Variants in SLIT1 observed in about 807,000 individuals in gnomAD.
SLIT1 encodes the protein slit guidance ligand 1, also known as slit homolog 1 protein.
SLIT1 carries 66 observed loss-of-function variants against 186.1 expected under a neutral mutation model. The observed-to-expected ratio is 0.35, with a 90% CI of 0.29 to 0.44. The LOEUF (loss-of-function observed/expected upper bound fraction) is 0.44. SLIT1 is among the 20% of genes least tolerant of loss of function. The probability of loss-of-function intolerance (pLI) is 1.00; values close to 1 mark genes in which losing one functional copy is unlikely to be tolerated. For missense variants in SLIT1, 1,638 were observed against 2,037.4 expected (o/e 0.80, Z 3.77); for synonymous variants, 761 against 833.8 (o/e 0.91, Z 1.50).
chr10:97,077,351 T>C (rs1223062462), intron 4 of SLIT1, among the ~76,000 whole-genome samples: 2 of 152,032 alleles, frequency 1.3e-5, no homozygotes, highest in African/African-American at 2.4e-5. Flanking sequence ...GTCCTTTGAG[T>C]GGCAAGTTCC....
At chr10:97,123,275 C>T (rs773363091) in intron 4 of SLIT1, among the ~76,000 whole-genome samples, 4 of 152,218 alleles carry the variant, frequency 2.6e-5, no homozygotes, top group Admixed American at 2.6e-4. Flanking sequence ...AAATCTGACA[C>T]CTTTTATCAG....
chr10:97,127,468 G>A (rs1010473391), intron 4 of SLIT1, among the ~76,000 whole-genome samples: 3 of 152,192 alleles, frequency 2.0e-5, no homozygotes, highest in African/African-American at 7.2e-5. Context: ...GGAAGACACA[G>A]CTCACTCCCT....
chr10:97,154,393 C>T (rs1422125390), intron 4 of SLIT1: 1 of 152,246 alleles, frequency 6.6e-6, no homozygotes, highest in Admixed American at 6.5e-5. Flanking sequence ...CTGCAGGAGT[C>T]CTCTCGGTTT....
intron 20 of SLIT1, among the ~76,000 whole-genome samples, chr10:97,040,829 G>A (rs1034192652): frequency 3.9e-5 from 6 of 152,196 alleles, no homozygotes; most frequent in African/African-American, 1.4e-4. Flanking sequence ...GGGTGTCAGA[G>A]AGATGATAAT....
chr10:97,165,913 A>G (rs1042816389), intron 1 of SLIT1, among the ~76,000 whole-genome samples: 4 of 152,016 alleles, frequency 2.6e-5, no homozygotes, highest in African/African-American at 4.8e-5. Flanking sequence ...AGCCTCACCA[A>G]GGCAGACCAT....
intron 22 of SLIT1, among the ~76,000 whole-genome samples, chr10:97,035,508 C>G (rs1848631474): frequency 6.6e-6 from 1 of 152,216 alleles, no homozygotes; most frequent in African/African-American, 2.4e-5. Context: ...GGCTGGTGGC[C>G]CTGGTCACCT....
chr10:97,184,498 T>TCA lies in SLIT1; in HGVS notation c.197+979_197+980insTG, dbSNP rs1174491741. On this transcript the variant is annotated intron_variant, in intron 1 of 36. Coordinates refer to ENST00000266058, the MANE Select transcript of SLIT1 (RefSeq NM_003061.3). The surrounding 1 kb of genome is among the most constrained non-coding windows in gnomAD (Gnocchi z 4.4). ...CGCTATTAAGGTGGCCCCTTAATAC[T>TCA]AGGAATTCACACAGAAACACATTCT... Among the ~76,000 whole-genome samples the TCA allele has an allele frequency of 6.6e-6, 1 of 152,038 alleles. No individual in the cohort carries two copies. The highest frequency in any genetic ancestry group is 1.9e-4 in the East Asian group (1 of 5,186).
At chr10:97,104,635 C>T (rs1345700414) in intron 4 of SLIT1, among the ~76,000 whole-genome samples, 1 of 152,066 alleles carries the variant, frequency 6.6e-6, no homozygotes, top group African/African-American at 2.4e-5. Flanking sequence ...AGGCCCAATC[C>T]ACACCTCCAG....
chr10:97,046,912 C>G, intron 17 of SLIT1, 79 bp downstream of exon 17: 1 of 1,558,078 alleles, frequency 6.4e-7, no homozygotes, highest in African/African-American at 1.4e-5. Context: ...GCCGTGGGAG[C>G]TGCCCCCACC....
chr10:97,020,431 C>A (rs950369135), intron 26 of SLIT1, among the ~76,000 whole-genome samples: 1 of 152,216 alleles, frequency 6.6e-6, no homozygotes, highest in African/African-American at 2.4e-5. Flanking sequence ...CAGCACCAAT[C>A]CCACCCCATT....
At chr10:97,119,251 C>T (rs567904210) in intron 4 of SLIT1, among the ~76,000 whole-genome samples, 5 of 152,338 alleles carry the variant, frequency 3.3e-5, no homozygotes, top group African/African-American at 1.2e-4. Flanking sequence ...CATCGCCATC[C>T]TATTGGCTGG....
intron 4 of SLIT1, among the ~76,000 whole-genome samples, chr10:97,132,020 C>T (rs1180088371): frequency 6.6e-6 from 1 of 152,236 alleles, no homozygotes; most frequent in Non-Finnish European, 1.5e-5. Context: ...AATCAGCTAA[C>T]TGTCCATCCC....
intron 1 of SLIT1, among the ~76,000 whole-genome samples, chr10:97,174,949 G>C (rs1470642902): frequency 6.6e-6 from 1 of 152,176 alleles, no homozygotes; most frequent in South Asian, 2.1e-4. Context: ...TAGTTCTGTA[G>C]TGTACTGTAC....
chr10:97,076,165 G>T (rs1849043598), intron 4 of SLIT1, among the ~76,000 whole-genome samples: 1 of 152,224 alleles, frequency 6.6e-6, no homozygotes, highest in South Asian at 2.1e-4. Flanking sequence ...GGGCACGGGT[G>T]AGGAGCAGGT....
intron 9 of SLIT1, among the ~76,000 whole-genome samples, 184 bp from the exon 10 acceptor site, chr10:97,060,342 C>T (rs1209755321): frequency 1.3e-5 from 2 of 152,240 alleles, no homozygotes; most frequent in African/African-American, 4.8e-5. Flanking sequence ...CTGACTTGCG[C>T]TCCATTATCA....
At position 97,185,669 on chromosome 10, in the gene SLIT1, C is replaced by A. The variant is rs1304891929; in HGVS notation, c.6G>T (p.Ala2=). The A allele has an allele frequency of 2.0e-6, 3 of 1,527,158 alleles. No homozygotes were observed. Among genetic ancestry groups the A allele is most frequent in the Non-Finnish European group, 2.6e-6 (3 of 1,141,646 alleles). 94.6% of individuals were successfully genotyped at this position (1,527,158 alleles called of 1,614,324 possible). A position where few individuals can be genotyped will look rare whatever the true frequency, so the allele number is the denominator to read the frequency against. Residue 2 remains alanine, a synonymous_variant, in exon 1 of 37, where the codon GCG becomes GCT. Coordinates refer to ENST00000266058, the MANE Select transcript of SLIT1 (RefSeq NM_003061.3). M[A]LTPGWGSSAG... Reference sequence around the variant, plus strand: ...CCGAGGACCCCCACCCGGGAGTCAGCGCCATGGTGCCCTCACAGCGTCCCG... The same window carrying A: ...CCGAGGACCCCCACCCGGGAGTCAGAGCCATGGTGCCCTCACAGCGTCCCG...
chr10:97,069,213 G>T (rs149394356), intron 4 of SLIT1, among the ~76,000 whole-genome samples: 2 of 152,350 alleles, frequency 1.3e-5, no homozygotes, highest in African/African-American at 4.8e-5. Flanking sequence ...GGAGCTCATG[G>T]TCATGCGAGT....
chr10:97,108,967 G>A (rs547145017), intron 4 of SLIT1, among the ~76,000 whole-genome samples: 20 of 150,060 alleles, frequency 1.3e-4, no homozygotes, highest in Non-Finnish European at 2.2e-4. Flanking sequence ...GCCCAGGGTC[G>A]GAGTGCAGCG....
chr10:97,011,747 T>A (rs1339718139), intron 30 of SLIT1, among the ~76,000 whole-genome samples: 1 of 152,166 alleles, frequency 6.6e-6, no homozygotes, highest in Non-Finnish European at 1.5e-5. Flanking sequence ...TTTCTAGTAA[T>A]GGCCTTGCTG....
Sources: allele counts gnomAD v4.1 joint callset (sites outside exome capture counted in the v4.1 genomes callset), GRCh38; gene constraint gnomAD v4.1.1; non-coding constraint Gnocchi (gnomAD v3.1); transcripts MANE v1.5; gene names NCBI Gene and HGNC (gene_info 2026-07-23, HGNC 2026-07-21).